TGFBR3: variants seen among roughly 807,000 people sequenced by gnomAD.
TGFBR3 encodes transforming growth factor beta receptor 3.
A neutral mutation model predicts 87.9 loss-of-function variants in TGFBR3; 46 were observed. The ratio of observed to expected loss-of-function variants is 0.52; its 90% CI spans 0.41 to 0.67. TGFBR3 has a LOEUF of 0.67. TGFBR3 is among the 30% of genes least tolerant of loss of function. The pLI, the probability that TGFBR3 is intolerant of heterozygous loss-of-function variation, is 0.00. For synonymous variants in TGFBR3, 381 were observed against 391.6 expected, an observed-to-expected ratio of 0.97 and a Z score of 0.32; for missense variants, 866 against 1,041.9, an observed-to-expected ratio of 0.83 and a Z score of 2.32.
rs1363553594 is a variant in TGFBR3, at chr1:91,682,471, ATAT to A, written c.*1265_*1267del. 1 of 443,866 alleles carries A rather than the reference ATAT, an allele frequency of 2.3e-6. No homozygotes were observed. The highest frequency in any genetic ancestry group is 2.5e-5 in the Admixed American group (1 of 40,598). 27.5% of individuals were successfully genotyped at this position (443,866 alleles called of 1,614,324 possible). On this transcript the variant is annotated 3_prime_UTR_variant, in exon 17 of 17. Coordinates refer to ENST00000212355, the MANE Select transcript of TGFBR3 (RefSeq NM_003243.5). ...CTTATTTTAGCTGCAAAGTGGCATC[ATAT>A]TATTCCATTTAATGAAATTCACCTC...
intron 1 of TGFBR3, among the ~76,000 whole-genome samples, chr1:91,880,530 G>A (rs1036165273): frequency 7.2e-5 from 11 of 151,998 alleles, no homozygotes; most frequent in African/African-American, 2.4e-4. Context: ...CCAGGGAGGC[G>A]GAGCTTGCAG....
In TGFBR3 at chr1:91,803,539, CT is replaced by C. The variant is rs545937797; in HGVS notation, c.62-6069del. Reference sequence around the variant, plus strand: ...GAGCCACGGGATCAGCTCTGAACTGCTTTTTTTTTTTTAATAGGAAACAAAT... The same window carrying C: ...GAGCCACGGGATCAGCTCTGAACTGCTTTTTTTTTTTAATAGGAAACAAAT... On this transcript the variant is annotated intron_variant, in intron 2 of 16. Coordinates refer to ENST00000212355, the MANE Select transcript of TGFBR3 (RefSeq NM_003243.5). Among the ~76,000 whole-genome samples the C allele has an allele frequency of 4.4e-3, 635 of 145,328 alleles. 3 individuals carry two copies. Among genetic ancestry groups the C allele is most frequent in the African/African-American group, 0.011 (429 of 40,094 alleles).
chr1:91,712,124 T>C (rs1348792833), intron 13 of TGFBR3, 119 bp downstream of exon 13: 2 of 836,910 alleles, frequency 2.4e-6, no homozygotes, highest in East Asian at 2.6e-5. Context: ...GTGACTTTAA[T>C]ATTTCAGTTG....
chr1:91,719,474 C>A lies in TGFBR3; in HGVS notation c.1414-10G>T, dbSNP rs1226652537. 1 of 1,613,972 alleles carries A rather than the reference C, an allele frequency of 6.2e-7. No homozygotes were observed. The highest frequency in any genetic ancestry group is 1.3e-5 in the African/African-American group (1 of 75,024). On this transcript the variant is annotated splice_polypyrimidine_tract_variant and intron_variant, in intron 9 of 16. Transcript: ENST00000212355. ...CCGAGTAGCCACTGGCCTAAAACAA[C>A]AACCACCAAAGACATGGTTGGAGGC... is the stretch of plus-strand genomic sequence containing the variant.
intron 1 of TGFBR3, among the ~76,000 whole-genome samples, chr1:91,870,370 G>A (rs181700944): frequency 5.9e-5 from 9 of 152,338 alleles, no homozygotes; most frequent in African/African-American, 2.2e-4. Flanking sequence ...AGAACAGGTA[G>A]TATCTACTCC....
intron 7 of TGFBR3, among the ~76,000 whole-genome samples, chr1:91,726,664 G>C (rs1672559440): frequency 6.6e-6 from 1 of 151,854 alleles, no homozygotes; most frequent in Non-Finnish European, 1.5e-5. Flanking sequence ...GCTCACTGTG[G>C]TATCACATGG....
chr1:91,888,238 A>G (rs1197612724), upstream of TGFBR3, among the ~76,000 whole-genome samples: 1 of 152,208 alleles, frequency 6.6e-6, no homozygotes, highest in Non-Finnish European at 1.5e-5. Flanking sequence ...CTCCCCAGCC[A>G]TGTGGAACTG....
intron 4 of TGFBR3, among the ~76,000 whole-genome samples, chr1:91,744,751 T>TA (rs1229130213): frequency 6.6e-6 from 1 of 152,200 alleles, no homozygotes; most frequent in Admixed American, 6.5e-5. Context: ...AGGCCATAGA[T>TA]ATGAATATTA....
At chr1:91,782,432 CCCAA>C (rs1433960932) in intron 3 of TGFBR3, among the ~76,000 whole-genome samples, 3 of 152,162 alleles carry the variant, frequency 2.0e-5, no homozygotes, top group Non-Finnish European at 4.4e-5. Context: ...TCATGTGTGT[CCCAA>C]CGGACCTTTG....
chr1:91,783,023 C>CA (rs1674832095), intron 3 of TGFBR3, among the ~76,000 whole-genome samples: 1 of 152,198 alleles, frequency 6.6e-6, no homozygotes, highest in African/African-American at 2.4e-5. Flanking sequence ...TGTGTGTACA[C>CA]ATGTATCAAC....
chr1:91,767,509 TG>T (rs1674222242), intron 3 of TGFBR3, among the ~76,000 whole-genome samples: 1 of 133,704 alleles, frequency 7.5e-6, no homozygotes, highest in African/African-American at 2.8e-5. Context: ...GGTAGATCCA[TG>T]GCTCCTGTTG....
At chr1:91,745,404 G>A (rs12124746) in intron 4 of TGFBR3, among the ~76,000 whole-genome samples, 106,257 of 152,154 alleles carry the variant, frequency 0.7, 37,645 homozygotes, top group Non-Finnish European at 0.77. Context: ...TGCTGGCTCA[G>A]TTCCAGGGGG....
chr1:91,783,384 A>C (rs1474186301), intron 3 of TGFBR3: 1 of 152,194 alleles, frequency 6.6e-6, no homozygotes, highest in Non-Finnish European at 1.5e-5. Context: ...AAGGCCAAGG[A>C]GCTCAGAGAC....
chr1:91,881,761 C>T (rs948627429), intron 1 of TGFBR3, among the ~76,000 whole-genome samples: 1 of 152,076 alleles, frequency 6.6e-6, no homozygotes, highest in Non-Finnish European at 1.5e-5. Context: ...AATATGGGGC[C>T]GGGCACAGTC....
intron 8 of TGFBR3, among the ~76,000 whole-genome samples, chr1:91,720,897 C>T (rs1312129453): frequency 6.6e-6 from 1 of 152,180 alleles, no homozygotes; most frequent in East Asian, 1.9e-4. Flanking sequence ...TATCTGGGCA[C>T]CTTGGCCTTT....
At position 91,682,404 on chromosome 1, in the gene TGFBR3, C is replaced by CTTTTTT. The variant is rs59188054; in HGVS notation, c.*1329_*1334dup. 98 of 347,296 alleles carry CTTTTTT rather than the reference C, an allele frequency of 2.8e-4. No homozygotes were observed. The highest frequency in any genetic ancestry group is 8.8e-4 in the East Asian group (11 of 12,488). 21.5% of individuals were successfully genotyped at this position (347,296 alleles called of 1,614,324 possible). The stretch of plus-strand genomic sequence containing the variant: ...AGCATGATAATTCCCCCCTGGCATT[C>CTTTTTT]TTTTTTTTTTTTTTTTTTTTTAACA... On this transcript the variant is annotated 3_prime_UTR_variant, in exon 17 of 17. Coordinates refer to ENST00000212355, the MANE Select transcript of TGFBR3 (RefSeq NM_003243.5).
chr1:91,750,966 G>A (rs139145873), intron 4 of TGFBR3, among the ~76,000 whole-genome samples: 402 of 152,266 alleles, frequency 2.6e-3, no homozygotes, highest in African/African-American at 9.0e-3. Flanking sequence ...ACACTAAACT[G>A]CAATTCCCAA....
At chr1:91,769,506 G>A (rs534300524) in intron 3 of TGFBR3, among the ~76,000 whole-genome samples, 1 of 151,870 alleles carries the variant, frequency 6.6e-6, no homozygotes, top group South Asian at 2.1e-4. Flanking sequence ...CCTGAGTCAC[G>A]CTCCCAAAGC....
chr1:91,784,769 C>T (rs1473704788), intron 3 of TGFBR3, among the ~76,000 whole-genome samples: 1 of 152,158 alleles, frequency 6.6e-6, no homozygotes, highest in African/African-American at 2.4e-5. Flanking sequence ...ATCAAGGGAT[C>T]CGATGCAGGG....
Sources: allele counts gnomAD v4.1 joint callset (sites outside exome capture counted in the v4.1 genomes callset), GRCh38; gene constraint gnomAD v4.1.1; transcripts MANE v1.5; gene names NCBI Gene and HGNC (gene_info 2026-07-23, HGNC 2026-07-21).